The following FNTB variants were observed in gnomAD, a reference collection of about 807,000 sequenced individuals.
FNTB encodes the protein protein farnesyltransferase subunit beta.
A neutral mutation model predicts 59.4 loss-of-function variants in FNTB; 27 were observed. The observed-to-expected ratio is 0.45, with a 90% CI of 0.34 to 0.63. FNTB has a LOEUF of 0.63. FNTB is among the 20% of genes least tolerant of loss of function. The pLI, the probability that FNTB is intolerant of heterozygous loss-of-function variation, is 0.02. For missense variants in FNTB, 449 were observed against 559.6 expected (o/e 0.80, Z 1.99); for synonymous variants, 230 against 220.7 (o/e 1.04, Z -0.37).
Position 65,053,313 on chromosome 14 carries a change from A to G in FNTB, c.1031A>G (p.Gln344Arg). 6.9e-7 allele frequency: 1 copy of G among 1,451,448 alleles called. No homozygotes were observed. Among genetic ancestry groups the G allele is most frequent in the Non-Finnish European group, 9.1e-7 (1 of 1,095,056 alleles). 89.9% of individuals were successfully genotyped at this position (1,451,448 alleles called of 1,614,324 possible). ...ALQEYILMCC[Q>R]CPAGGLLDKP... is the part of the protein sequence containing the mutation. Reference sequence around the variant, plus strand: ...CAGGAGTACATCCTGATGTGCTGCCAGTGCCCTGCGGGGGGGCTTCTGGAT... The same window carrying G: ...CAGGAGTACATCCTGATGTGCTGCCGGTGCCCTGCGGGGGGGCTTCTGGAT... The change falls in exon 10 of 12, where the codon CAG becomes CGG. Residue 344 changes from glutamine (Q) to arginine (R), a missense_variant. By Grantham distance (43) the Gln-to-Arg change is conservative. Around this residue, in one of 2 missense-constraint regions of FNTB, gnomAD observed 337 missense variants for 479.1 expected, o/e 0.70. Transcript: ENST00000246166.
At chr14:65,037,741 ATTATTTATTTAT>A (rs201126999) in intron 7 of FNTB, among the ~76,000 whole-genome samples, 8,096 of 131,540 alleles carry the variant, frequency 0.062, 358 homozygotes, top group East Asian at 0.14. Flanking sequence ...TTATTTATTT[ATTATTTATTTAT>A]TTATTTATTT....
chr14:65,043,469 T>C (rs1266344166), intron 8 of FNTB, among the ~76,000 whole-genome samples: 1 of 152,172 alleles, frequency 6.6e-6, no homozygotes, highest in African/African-American at 2.4e-5. Context: ...CTAAGAGACC[T>C]TGGGTAAATT....
intron 2 of FNTB, chr14:65,006,185 C>CT (rs1555390180): frequency 6.3e-7 from 1 of 1,576,010 alleles, no homozygotes; most frequent in African/African-American, 1.4e-5. Context: ...CCACCATTTC[C>CT]TTAAGAAACT....
At chr14:64,987,247 C>G in intron 1 of FNTB, 150 bp downstream of exon 1, 1 of 944,088 alleles carries the variant, frequency 1.1e-6, no homozygotes, top group Non-Finnish European at 1.6e-6. Flanking sequence ...CTCCGGGCGC[C>G]CAGGCTTGGG....
chr14:65,052,144 T>C (rs1566576307), intron 9 of FNTB, among the ~76,000 whole-genome samples: 2 of 152,194 alleles, frequency 1.3e-5, no homozygotes. Flanking sequence ...TTAGCTCAGT[T>C]CTTTTTATGA....
Position 65,014,204 on chromosome 14 carries a change from A to G in FNTB, c.283-1421A>G, listed in dbSNP as rs1231818090. Among the ~76,000 whole-genome samples the G allele has an allele frequency of 6.6e-6, 1 of 152,232 alleles. No individual in the cohort carries two copies. The highest frequency in any genetic ancestry group is 2.4e-5 in the African/African-American group (1 of 41,458). ...AGGTTAATCTTTGGACCTCATTTAT[A>G]TATTTTAATTTATAAAACTGGGGCA... On this transcript the variant is annotated intron_variant, in intron 3 of 11. Coordinates refer to ENST00000246166, the MANE Select transcript of FNTB (RefSeq NM_002028.4). This position sits in a 1 kb window ranked among gnomAD's most constrained non-coding sequence, Gnocchi z 5.1.
chr14:65,005,519 C>CTT (rs2061572824), intron 2 of FNTB, among the ~76,000 whole-genome samples: 1 of 127,142 alleles, frequency 7.9e-6, no homozygotes, highest in African/African-American at 3.0e-5. Context: ...CTTTCTCTCT[C>CTT]TCTTTCTCTT....
chr14:65,042,460 C>T (rs531268425), intron 8 of FNTB, among the ~76,000 whole-genome samples: 10 of 152,088 alleles, frequency 6.6e-5, no homozygotes, highest in African/African-American at 9.7e-5. Context: ...GTAGGGTTTG[C>T]GCTCCTATGA....
rs756669677 is a variant in FNTB at position 65,012,343 on chromosome 14, T to G, written c.236T>G (p.Phe79Cys). The G allele has an allele frequency of 1.9e-6, 3 of 1,614,180 alleles. No individual in the cohort carries two copies. The South Asian group carries it at 3.3e-5, about 18-fold the overall frequency. ...CTTGTTTTGCAGAGGGAGAAGCACTTCCATTATCTGAAAAGAGGCCTTCGA... is the reference window on the plus strand; with the variant it reads ...CTTGTTTTGCAGAGGGAGAAGCACTGCCATTATCTGAAAAGAGGCCTTCGA... ...PRLVLQREKH[F>C]HYLKRGLRQL... is the part of the protein sequence containing the mutation. Residue 79 changes from phenylalanine (F) to cysteine (C), a missense_variant, in exon 3 of 12, where the codon TTC becomes TGC. By Grantham distance (205) the Phe-to-Cys change is radical. Around this residue, in one of 2 missense-constraint regions of FNTB, gnomAD observed 337 missense variants for 479.1 expected, o/e 0.70. Coordinates refer to ENST00000246166, the MANE Select transcript of FNTB (RefSeq NM_002028.4). This position sits in a 1 kb window ranked among gnomAD's most constrained non-coding sequence, Gnocchi z 5.0.
chr14:65,057,281 AG>A (rs749974446), intron 11 of FNTB, among the ~76,000 whole-genome samples: 5 of 152,112 alleles, frequency 3.3e-5, no homozygotes, highest in Non-Finnish European at 7.3e-5. Flanking sequence ...AGAAGATTTT[AG>A]GCCAGATATG....
chr14:64,987,156 G>T (rs1887977253), intron 1 of FNTB, 59 bp downstream of exon 1: 4 of 1,595,844 alleles, frequency 2.5e-6, no homozygotes, highest in African/African-American at 1.3e-5. Context: ...CGCGAGTCCC[G>T]TTCGTAGGGC....
In FNTB at chr14:65,032,654, T is replaced by G; in HGVS notation, c.650T>G (p.Ile217Ser). The change falls in exon 7 of 12, where the codon ATC becomes AGC. Residue 217 changes from isoleucine (I) to serine (S), a missense_variant. Physicochemically the swap from Ile to Ser is moderately radical, Grantham distance 142. This residue lies in a region of FNTB where 337 missense variants were observed against 479.1 expected (regional missense o/e 0.70). Coordinates refer to ENST00000246166, the MANE Select transcript of FNTB (RefSeq NM_002028.4). The surrounding 1 kb of genome is among the most constrained non-coding windows in gnomAD (Gnocchi z 5.0). The part of the protein sequence containing the change: ...AASVASLTNI[I>S]TPDLFEGTAE... ...TCCGTAGCCTCGCTGACCAACATCA[T>G]CACTCCAGACCTCTTTGAGGGCACT... The G allele has an allele frequency of 6.2e-7, 1 of 1,613,942 alleles. No individual in the cohort carries two copies. Among genetic ancestry groups the G allele is most frequent in the Non-Finnish European group, 8.5e-7 (1 of 1,180,006 alleles).
At chr14:65,017,551 C>T (rs978521681) in intron 4 of FNTB, among the ~76,000 whole-genome samples, 4 of 152,108 alleles carry the variant, frequency 2.6e-5, no homozygotes, top group Non-Finnish European at 5.9e-5. Flanking sequence ...GAAGTGTCAG[C>T]GCCGCTTCTG....
At chr14:64,989,350 G>A (rs1202384735) in intron 1 of FNTB, among the ~76,000 whole-genome samples, 1 of 151,380 alleles carries the variant, frequency 6.6e-6, no homozygotes, top group Non-Finnish European at 1.5e-5. Flanking sequence ...AAGCTGAGGT[G>A]GGTGAATTGT....
Position 65,029,614 on chromosome 14 carries a change from A to G in FNTB, c.605+1833A>G, listed in dbSNP as rs2062042464. Among the ~76,000 whole-genome samples the G allele has an allele frequency of 6.6e-6, 1 of 152,178 alleles. No homozygotes were observed. The highest frequency in any genetic ancestry group is 6.5e-5 in the Admixed American group (1 of 15,276). The stretch of plus-strand genomic sequence containing the variant: ...GTTATATAATCTAGATCATTCTGTG[A>G]GGATAAGGTGGAGGCAGGGATCTAG... On this transcript the variant is annotated intron_variant, in intron 6 of 11. Transcript: ENST00000246166. The surrounding 1 kb of genome is among the most constrained non-coding windows in gnomAD (Gnocchi z 4.7).
rs1211740211 is a variant in FNTB, at chr14:65,011,609, TC to T, written c.210-705del. 7.2e-5 allele frequency among the ~76,000 whole-genome samples: 11 copies of T among 152,198 alleles called. No individual in the cohort carries two copies. The highest frequency in any genetic ancestry group is 2.7e-4 in the African/African-American group (11 of 41,438). On this transcript the variant is annotated intron_variant, in intron 2 of 11. Transcript: ENST00000246166. This position sits in a 1 kb window ranked among gnomAD's most constrained non-coding sequence, Gnocchi z 4.0. ...TGACAATCTGTGCTTTTTGTTTCCT[TC>T]CCTAGTCACACAGGCTCTTCTGCCA... is the stretch of plus-strand genomic sequence containing the variant.
chr14:64,999,021 A>C (rs966889889), intron 1 of FNTB, among the ~76,000 whole-genome samples: 8 of 152,280 alleles, frequency 5.3e-5, no homozygotes, highest in Admixed American at 1.3e-4. Context: ...GTACTGGTAC[A>C]TGCTACAGCA....
chr14:65,016,402 A>G (rs2061774142), intron 4 of FNTB: 1 of 152,280 alleles, frequency 6.6e-6, no homozygotes, highest in Admixed American at 6.5e-5. Context: ...AAGAAAGGGC[A>G]GCCAGGAATT....
At chr14:65,017,648 TA>T (rs922736584) in intron 4 of FNTB, among the ~76,000 whole-genome samples, 7 of 152,146 alleles carry the variant, frequency 4.6e-5, no homozygotes, top group African/African-American at 1.2e-4. Context: ...AGAGAATGTT[TA>T]AAAAAAATTT....
Sources: allele counts gnomAD v4.1 joint callset (sites outside exome capture counted in the v4.1 genomes callset), GRCh38; gene constraint gnomAD v4.1.1; regional missense constraint gnomAD v4.1.1; non-coding constraint Gnocchi (gnomAD v3.1); transcripts MANE v1.5; gene names NCBI Gene and HGNC (gene_info 2026-07-23, HGNC 2026-07-21).